The following PLXDC2 variants were observed in gnomAD, a reference collection of about 807,000 sequenced individuals.
The protein encoded by PLXDC2 is plexin domain containing 2, also known as plexin domain-containing protein 2.
PLXDC2 carries 40 observed loss-of-function variants against 68.9 expected under a neutral mutation model. The observed-to-expected ratio is 0.58, with a 90% CI of 0.45 to 0.76. The LOEUF is 0.76. PLXDC2 is among the 30% of genes least tolerant of loss of function. The pLI is 0.00. For missense variants in PLXDC2, 644 were observed against 661.9 expected (o/e 0.97, Z 0.30); for synonymous variants, 243 against 234.2 (o/e 1.04, Z -0.34).
chr10:19,849,632 TC>T, intron 1 of PLXDC2, among the ~76,000 whole-genome samples: 1 of 152,174 alleles, frequency 6.6e-6, no homozygotes, highest in East Asian at 1.9e-4. Context: ...CATGTTTGCT[TC>T]CCCTTCCACC....
intron 1 of PLXDC2, among the ~76,000 whole-genome samples, chr10:19,875,363 A>G (rs942080408): frequency 6.6e-6 from 1 of 152,232 alleles, no homozygotes; most frequent in African/African-American, 2.4e-5. Flanking sequence ...TGGATGTAAT[A>G]GAATGCTATG....
chr10:20,266,301 G>A (rs541288035), intron 13 of PLXDC2, among the ~76,000 whole-genome samples: 5 of 150,194 alleles, frequency 3.3e-5, no homozygotes, highest in African/African-American at 7.3e-5. Context: ...ATCAAAGGCA[G>A]ATTAAGATTA....
chr10:19,981,893 G>A (rs748994918), intron 1 of PLXDC2, among the ~76,000 whole-genome samples: 29 of 152,154 alleles, frequency 1.9e-4, no homozygotes, highest in Non-Finnish European at 3.7e-4. Flanking sequence ...TGCTAGTCCC[G>A]ATTCATTGTA....
chr10:19,843,217 A>T (rs1366962806), intron 1 of PLXDC2, among the ~76,000 whole-genome samples: 3 of 152,190 alleles, frequency 2.0e-5, no homozygotes, highest in Admixed American at 6.5e-5. Context: ...TTTATGTGGT[A>T]AACATGCTTT....
Position 20,054,744 on chromosome 10 carries a change from C to A in PLXDC2, c.471+7729C>A, listed in dbSNP as rs139388730. On this transcript the variant is annotated intron_variant, in intron 3 of 13. Transcript: ENST00000377252. ...GGGAGGGATAGCATTAGGAGATATA[C>A]CTAATGTTAAATGACGAGTTGATGG... Among the ~76,000 whole-genome samples, 36 of 152,018 alleles carry A rather than the reference C, an allele frequency of 2.4e-4. No homozygotes were observed. In the East Asian group the frequency reaches 5.1e-3, roughly 21 times the overall value.
chr10:19,978,198 G>T (rs1252778327), intron 1 of PLXDC2, among the ~76,000 whole-genome samples: 1 of 152,144 alleles, frequency 6.6e-6, no homozygotes, highest in Admixed American at 6.5e-5. Context: ...ATTTTAGTGA[G>T]TTTTATAGTA....
In PLXDC2 at chr10:20,287,638, G is replaced by C. The variant is rs1028818343; in HGVS notation, c.*7819G>C. 3.3e-5 allele frequency: 5 copies of C among 152,164 alleles called. No homozygotes were observed. Among genetic ancestry groups the C allele is most frequent in the Admixed American group, 3.3e-4 (5 of 15,274 alleles). The allele number at this position is 152,164 out of a possible 1,614,324, so 9.4% of individuals were successfully genotyped here. A position where few individuals can be genotyped will look rare whatever the true frequency, so the allele number is the denominator to read the frequency against. On this transcript the variant is annotated 3_prime_UTR_variant, in exon 14 of 14. Transcript: ENST00000377252. The stretch of plus-strand genomic sequence containing the variant: ...GCAACATCAGAGCTTCACTTGCAAA[G>C]AAATGTTAAAATCATTTTAGGGAAA...
intron 10 of PLXDC2, among the ~76,000 whole-genome samples, chr10:20,214,487 T>C (rs183033194): frequency 4.6e-5 from 7 of 152,272 alleles, no homozygotes; most frequent in Admixed American, 3.9e-4. Flanking sequence ...TAGAGCGATA[T>C]TGATTTTGGA....
intron 1 of PLXDC2, among the ~76,000 whole-genome samples, chr10:19,964,239 T>C (rs1441797247): frequency 1.3e-5 from 2 of 152,162 alleles, no homozygotes; most frequent in African/African-American, 2.4e-5. Context: ...GACCATTGAT[T>C]CTGGGGAGCC....
chr10:19,826,035 T>G (rs1836562781), intron 1 of PLXDC2, among the ~76,000 whole-genome samples: 1 of 152,222 alleles, frequency 6.6e-6, no homozygotes, highest in Non-Finnish European at 1.5e-5. Flanking sequence ...ATTACATAAA[T>G]GCAATCTGCA....
chr10:19,906,214 A>G (rs1205217995), intron 1 of PLXDC2, among the ~76,000 whole-genome samples: 1 of 151,948 alleles, frequency 6.6e-6, no homozygotes, highest in East Asian at 1.9e-4. Flanking sequence ...GTGTTGTAAG[A>G]TGTGTGTTAT....
At chr10:19,961,490 T>G (rs563540952) in intron 1 of PLXDC2, among the ~76,000 whole-genome samples, 1 of 152,332 alleles carries the variant, frequency 6.6e-6, no homozygotes, top group Admixed American at 6.5e-5. Flanking sequence ...TCTCATACAC[T>G]AGAAGTGACA....
At chr10:20,120,992 TCAGAGAGATA>T (rs1285130189) in intron 4 of PLXDC2, among the ~76,000 whole-genome samples, 1 of 152,028 alleles carries the variant, frequency 6.6e-6, no homozygotes, top group Non-Finnish European at 1.5e-5. Flanking sequence ...GTCAGGTGGA[TCAGAGAGATA>T]CAGTCATGGG....
chr10:20,109,600 T>G (rs542821783), intron 4 of PLXDC2, among the ~76,000 whole-genome samples: 4 of 152,302 alleles, frequency 2.6e-5, no homozygotes, highest in African/African-American at 7.2e-5. Context: ...TCTTAATGAT[T>G]GTAAGCATTA....
chr10:20,051,168 AG>A (rs1310510552), intron 3 of PLXDC2, among the ~76,000 whole-genome samples: 1 of 151,976 alleles, frequency 6.6e-6, no homozygotes, highest in Non-Finnish European at 1.5e-5. Context: ...CTCACTTATA[AG>A]TGGAGCTAAA....
At chr10:20,169,856 A>C (rs1834424268) in intron 7 of PLXDC2, among the ~76,000 whole-genome samples, 1 of 152,204 alleles carries the variant, frequency 6.6e-6, no homozygotes, top group African/African-American at 2.4e-5. Context: ...ACTCCAAGTT[A>C]TGACAGTGAC....
intron 2 of PLXDC2, among the ~76,000 whole-genome samples, chr10:20,005,079 C>T (rs1835005579): frequency 6.6e-6 from 1 of 152,122 alleles, no homozygotes; most frequent in Non-Finnish European, 1.5e-5. Flanking sequence ...CCTAAGGTCT[C>T]CCATTAATGA....
chr10:19,960,939 G>T (rs1834145884), intron 1 of PLXDC2, among the ~76,000 whole-genome samples: 1 of 152,212 alleles, frequency 6.6e-6, no homozygotes, highest in Non-Finnish European at 1.5e-5. Flanking sequence ...AGTTGTTTTA[G>T]CGCCTCAGGA....
At chr10:20,012,303 CTTTTTTA>C (rs1835130102) in intron 2 of PLXDC2, among the ~76,000 whole-genome samples, 1 of 65,592 alleles carries the variant, frequency 1.5e-5, no homozygotes, top group Non-Finnish European at 2.5e-5. Context: ...CTCTCTCTCT[CTTTTTTA>C]TTTTTTTTTT....
Sources: gnomAD v4.1 joint callset for allele counts (sites outside exome capture counted in the v4.1 genomes callset) on GRCh38, gnomAD v4.1.1 for gene constraint, MANE v1.5 for transcripts, NCBI Gene and HGNC (gene_info 2026-07-23, HGNC 2026-07-21) for gene names.